Variants in PIGS observed in about 807,000 individuals in gnomAD.
PIGS encodes GPI-anchor transamidase component PIGS.
In PIGS, 37 loss-of-function variants were observed where a neutral mutation model predicts 58.2. The observed-to-expected ratio is 0.64, with a 90% CI of 0.49 to 0.84. The LOEUF (loss-of-function observed/expected upper bound fraction) is 0.84, where lower values mean the gene tolerates loss of function less well. PIGS is among the 40% of genes least tolerant of loss of function. The probability of loss-of-function intolerance (pLI) is 0.00; values close to 1 mark genes in which losing one functional copy is unlikely to be tolerated. For missense variants in PIGS, 629 were observed against 710.8 expected (o/e 0.88, Z 1.31); for synonymous variants, 269 against 289.2 (o/e 0.93, Z 0.71).
rs989063411 is a variant in PIGS at position 28,556,851 on chromosome 17, A to G, written c.1056T>C (p.His352=). The part of the protein sequence containing the change: ...DGAPVATNAF[H]SPRWGGIMVY... ...CCATAATGCCACCCCAGCGGGGACT[A>G]TGGAAGGCATTGGTGGCCACTGGAG... The change falls in exon 9 of 12, where the codon CAT becomes CAC. Residue 352 remains histidine, a synonymous_variant. Transcript: ENST00000308360. 1 of 1,613,990 alleles carries G rather than the reference A, an allele frequency of 6.2e-7. No homozygotes were observed. The highest frequency in any genetic ancestry group is 8.5e-7 in the Non-Finnish European group (1 of 1,180,012).
chr17:28,571,407 C>T, intron 1 of PIGS, 56 bp downstream of exon 1: 1 of 1,595,360 alleles, frequency 6.3e-7, no homozygotes, highest in Non-Finnish European at 8.5e-7. Flanking sequence ...CCCACCCCTG[C>T]TATTCCTCCC....
chr17:28,567,052 T>A (rs2070398695), intron 3 of PIGS, among the ~76,000 whole-genome samples: 1 of 152,150 alleles, frequency 6.6e-6, no homozygotes, highest in Admixed American at 6.6e-5. Context: ...AAAAAAGCAT[T>A]ATCTTGTGAC....
intron 6 of PIGS, 38 bp downstream of exon 6, chr17:28,561,384 T>C: frequency 6.2e-7 from 1 of 1,605,138 alleles, no homozygotes; most frequent in Non-Finnish European, 8.5e-7. Flanking sequence ...ATGTAATTCA[T>C]TTCCTCTCCC....
rs773216981 is a variant in PIGS, at chr17:28,554,896, C to A, written c.1347G>T (p.Leu449=). The part of the protein sequence containing the change: ...TTTLTSLAQL[L]GKISNIVIKD... ...TAATGACAATGTTGCTGATCTTGCC[C>A]AGAAGCTGCGCCAGGGAGGTAAGGG... The change falls in exon 11 of 12, where the codon CTG becomes CTT. Residue 449 remains leucine (L), a synonymous_variant. Transcript: ENST00000308360. 5.6e-6 allele frequency: 9 copies of A among 1,614,032 alleles called. No individual in the cohort carries two copies. Among genetic ancestry groups the A allele is most frequent in the African/African-American group, 1.3e-5 (1 of 74,912 alleles).
At chr17:28,559,098 G>C (rs1281232009) in intron 7 of PIGS, among the ~76,000 whole-genome samples, 1 of 151,934 alleles carries the variant, frequency 6.6e-6, no homozygotes, top group Non-Finnish European at 1.5e-5. Flanking sequence ...TCCTGCCTCA[G>C]CCTCCCGAGT....
At position 28,554,170 on chromosome 17, in the gene PIGS, C is replaced by T. The variant is rs1262719401; in HGVS notation, c.*50G>A. ...CATGTACGTGCCTCACAATCTAACACCGCCCACCTTGGCCAGAAAGGAAGG... is the reference window on the plus strand; with the variant it reads ...CATGTACGTGCCTCACAATCTAACATCGCCCACCTTGGCCAGAAAGGAAGG... On this transcript the variant is annotated 3_prime_UTR_variant, in exon 12 of 12. Transcript: ENST00000308360. 6.3e-7 allele frequency: 1 copy of T among 1,598,566 alleles called. No individual in the cohort carries two copies. The highest frequency in any genetic ancestry group is 8.5e-7 in the Non-Finnish European group (1 of 1,171,332).
At position 28,554,475 on chromosome 17, in the gene PIGS, G is replaced by T. The variant is rs770743383; in HGVS notation, c.1413C>A (p.Ala471=). The T allele has an allele frequency of 4.3e-6, 7 of 1,613,934 alleles. No homozygotes were observed. The highest frequency in any genetic ancestry group is 2.7e-5 in the African/African-American group (2 of 74,912). Residue 471 remains alanine, a synonymous_variant, in exon 12 of 12, where the codon GCC becomes GCA. Coordinates refer to ENST00000308360, the MANE Select transcript of PIGS (RefSeq NM_033198.4). ...VASEVYKAVA[A]VQKSAEELAS... ...CCAACTCTTCTGCCGACTTCTGGAC[G>T]GCAGCTACAGCCTTGTACACCTAGG... is the stretch of plus-strand genomic sequence containing the variant.
chr17:28,555,461 T>C (rs1597582630), intron 10 of PIGS: 1 of 212,846 alleles, frequency 4.7e-6, no homozygotes, highest in Admixed American at 5.3e-5. Context: ...GCACATGTGC[T>C]GTGCTTCTCT....
intron 6 of PIGS, among the ~76,000 whole-genome samples, chr17:28,560,784 T>TAAAATA (rs1240154986): frequency 6.7e-6 from 1 of 149,966 alleles, no homozygotes; most frequent in Non-Finnish European, 1.5e-5. Flanking sequence ...CAAAAAAAAA[T>TAAAATA]AAAATAAAAA....
At chr17:28,558,935 C>T (rs977099696) in intron 7 of PIGS, among the ~76,000 whole-genome samples, 1 of 152,202 alleles carries the variant, frequency 6.6e-6, no homozygotes, top group East Asian at 1.9e-4. Context: ...ATTTCTCCCA[C>T]GTGTTTTCCC....
chr17:28,559,731 A>G (rs1159164824), intron 7 of PIGS, among the ~76,000 whole-genome samples: 1 of 150,848 alleles, frequency 6.6e-6, no homozygotes, highest in African/African-American at 2.4e-5. Context: ...AAGATGGGTC[A>G]TGGCATTAAC....
At chr17:28,567,313 C>A (rs2070400069) in intron 3 of PIGS, among the ~76,000 whole-genome samples, 1 of 152,164 alleles carries the variant, frequency 6.6e-6, no homozygotes, top group Non-Finnish European at 1.5e-5. Flanking sequence ...AGATCTAACT[C>A]CCAGTTTATA....
intron 3 of PIGS, among the ~76,000 whole-genome samples, chr17:28,569,309 T>C (rs892472498): frequency 6.6e-6 from 1 of 151,256 alleles, no homozygotes; most frequent in African/African-American, 2.4e-5. Flanking sequence ...CTACTAAAAA[T>C]ACCAAAACAA....
At chr17:28,561,094 A>G (rs1444887947) in intron 6 of PIGS, among the ~76,000 whole-genome samples, 1 of 152,064 alleles carries the variant, frequency 6.6e-6, no homozygotes, top group Admixed American at 6.5e-5. Flanking sequence ...CGTCTCTACT[A>G]AAAATACAAA....
Position 28,571,168 on chromosome 17 carries a change from C to G in PIGS, c.55G>C (p.Ala19Pro). The change falls in exon 2 of 12, where the codon GCC (alanine) becomes CCC (proline). Residue 19 changes from alanine to proline, a missense_variant. By Grantham distance (27) the Ala-to-Pro change is conservative (BLOSUM62 -1). Coordinates refer to ENST00000308360, the MANE Select transcript of PIGS (RefSeq NM_033198.4). ...GCCACCGCAGCGAAGAAGAGGGCGG[C>G]GCGCTTGCCCCGGGCCACCTCTGAG... ...THLEVARGKR[A>P]ALFFAAVAIV... 3 of 1,613,330 alleles carry G rather than the reference C, an allele frequency of 1.9e-6. No individual in the cohort carries two copies. Among genetic ancestry groups the G allele is most frequent in the South Asian group, 2.2e-5 (2 of 91,070 alleles).
At chr17:28,557,050 G>A in intron 8 of PIGS, 78 bp from the exon 9 acceptor site, 1 of 1,514,208 alleles carries the variant, frequency 6.6e-7, no homozygotes, top group Non-Finnish European at 9.1e-7. Flanking sequence ...CTAACTTGCT[G>A]GTCACTCACT....
intron 1 of PIGS, 54 bp from the exon 2 acceptor site, chr17:28,571,242 C>A: frequency 6.3e-7 from 1 of 1,580,472 alleles, no homozygotes; most frequent in Non-Finnish European, 8.6e-7. Flanking sequence ...GGTACCGGCC[C>A]CATCCCCGAC....
intron 10 of PIGS, chr17:28,555,383 C>G (rs1238269083): frequency 8.6e-5 from 27 of 315,640 alleles, no homozygotes; most frequent in Non-Finnish European, 1.5e-4. Context: ...CTTTTCTACC[C>G]TCTCTTTGAA....
rs765997373 is a variant in PIGS, at chr17:28,571,491, C to A, written c.6G>T (p.Ala2=). 1.2e-6 allele frequency: 2 copies of A among 1,607,854 alleles called. No individual in the cohort carries two copies. The highest frequency in any genetic ancestry group is 1.7e-6 in the Non-Finnish European group (2 of 1,177,464). M[A]AAGAAATHLE... Reference sequence around the variant, plus strand: ...GGTGTGTAGCCGCAGCCCCGGCGGCCGCCATGCTAGCTTCCGGCTGCTCCG... The same window carrying A: ...GGTGTGTAGCCGCAGCCCCGGCGGCAGCCATGCTAGCTTCCGGCTGCTCCG... Residue 2 remains alanine (A), a synonymous_variant, in exon 1 of 12, where the codon GCG becomes GCT. Transcript: ENST00000308360.
Sources: gnomAD v4.1 joint callset for allele counts (sites outside exome capture counted in the v4.1 genomes callset) on GRCh38, gnomAD v4.1.1 for gene constraint, MANE v1.5 for transcripts, NCBI Gene and HGNC (gene_info 2026-07-23, HGNC 2026-07-21) for gene names.